Variants in SMG6 observed in about 807,000 individuals in gnomAD.
The protein encoded by SMG6 is telomerase-binding protein EST1A.
In SMG6, 66 loss-of-function variants were observed where a neutral mutation model predicts 142.2. The ratio of observed to expected loss-of-function variants is 0.46; its 90% CI spans 0.38 to 0.57. The LOEUF is 0.57. Ranked by LOEUF, SMG6 falls within the 20% of genes least tolerant of loss-of-function variation. SMG6 has a pLI of 0.00. For synonymous variants in SMG6, 779 were observed against 702.4 expected, an observed-to-expected ratio of 1.11 and a Z score of -1.72; for missense variants, 1,793 against 1,832.0, an observed-to-expected ratio of 0.98 and a Z score of 0.39.
chr17:2,269,514 G>T (rs752896988), intron 8 of SMG6, among the ~76,000 whole-genome samples: 1 of 151,322 alleles, frequency 6.6e-6, no homozygotes, highest in South Asian at 2.1e-4. Flanking sequence ...TGTGGTGAAC[G>T]TTCTGTGCTA....
chr17:2,203,973 T>A (rs910474450), intron 10 of SMG6, among the ~76,000 whole-genome samples: 2 of 152,116 alleles, frequency 1.3e-5, no homozygotes, highest in East Asian at 1.9e-4. Context: ...CCTGAACGAT[T>A]TTTTTTAAGA....
At chr17:2,205,946 C>T (rs2072666789) in intron 10 of SMG6, among the ~76,000 whole-genome samples, 1 of 152,058 alleles carries the variant, frequency 6.6e-6, no homozygotes, top group Non-Finnish European at 1.5e-5. Flanking sequence ...GTAGCTGGGA[C>T]TACAGATGTG....
chr17:2,129,084 A>G (rs939509419), intron 13 of SMG6, among the ~76,000 whole-genome samples: 2 of 152,184 alleles, frequency 1.3e-5, no homozygotes, highest in Non-Finnish European at 2.9e-5. Context: ...GGGGTGGCTC[A>G]CACCTGTAAT....
chr17:2,261,562 C>T (rs565441174), intron 8 of SMG6, among the ~76,000 whole-genome samples: 8 of 152,188 alleles, frequency 5.3e-5, no homozygotes, highest in African/African-American at 4.8e-5. Flanking sequence ...CCCATATGTC[C>T]TAATCCCCAC....
At chr17:2,210,238 G>A (rs2072808426) in intron 10 of SMG6, among the ~76,000 whole-genome samples, 1 of 151,722 alleles carries the variant, frequency 6.6e-6, no homozygotes, top group Non-Finnish European at 1.5e-5. Context: ...TGCTTCCTGG[G>A]GGGAACTTGA....
chr17:2,240,324 G>A (rs897465204), intron 9 of SMG6: 4 of 151,980 alleles, frequency 2.6e-5, no homozygotes, highest in African/African-American at 9.7e-5. Flanking sequence ...GCCCTCAGAT[G>A]CTGAGGAACA....
intron 13 of SMG6, chr17:2,122,433 A>C (rs909293337): frequency 5.9e-5 from 9 of 152,236 alleles, no homozygotes; most frequent in Non-Finnish European, 1.3e-4. Context: ...TTAGCTATTA[A>C]GGAAAACACA....
intron 15 of SMG6, among the ~76,000 whole-genome samples, chr17:2,073,241 G>A (rs987719040): frequency 3.3e-5 from 5 of 151,826 alleles, no homozygotes; most frequent in Non-Finnish European, 5.9e-5. Flanking sequence ...GAGCCAACAC[G>A]CCCGGCTAAT....
chr17:2,154,360 C>T (rs960457882), intron 13 of SMG6, among the ~76,000 whole-genome samples: 4 of 152,070 alleles, frequency 2.6e-5, no homozygotes, highest in Non-Finnish European at 5.9e-5. Context: ...TCTGGGGATG[C>T]ATCTAGAGTG....
chr17:2,174,606 C>A (rs1194059726), intron 12 of SMG6, among the ~76,000 whole-genome samples: 2 of 152,164 alleles, frequency 1.3e-5, no homozygotes, highest in African/African-American at 4.8e-5. Flanking sequence ...ACGTGTACTG[C>A]AGAAGTAACT....
chr17:2,198,062 C>T (rs2072386866), intron 10 of SMG6, among the ~76,000 whole-genome samples: 1 of 152,088 alleles, frequency 6.6e-6, no homozygotes, highest in South Asian at 2.1e-4. Flanking sequence ...CATAATGGCC[C>T]CAAACTAGAA....
At chr17:2,144,049 C>CGGT in intron 13 of SMG6, among the ~76,000 whole-genome samples, 1 of 65,100 alleles carries the variant, frequency 1.5e-5, no homozygotes, top group East Asian at 5.5e-4. Context: ...ACCACGGCCG[C>CGGT]TTTTTTTTTT....
At chr17:2,276,420 C>T (rs533952522) in intron 8 of SMG6, among the ~76,000 whole-genome samples, 5 of 152,012 alleles carry the variant, frequency 3.3e-5, no homozygotes, top group East Asian at 1.9e-4. Context: ...GAGTTTTGCT[C>T]GTTGCCCAGG....
chr17:2,116,168 C>T (rs1052636907), intron 13 of SMG6, among the ~76,000 whole-genome samples: 3 of 152,030 alleles, frequency 2.0e-5, no homozygotes, highest in African/African-American at 4.8e-5. Context: ...CTGCCTCGGC[C>T]CAAGCAGTCT....
rs1490317954 is a variant in SMG6, at chr17:2,230,333, AAAAG to A, written c.2869+6155_2869+6158del. Among the ~76,000 whole-genome samples, 73 of 29,056 alleles carry A rather than the reference AAAAG, an allele frequency of 2.5e-3. 8 individuals are homozygous for A. The highest frequency in any genetic ancestry group is 7.3e-3 in the African/African-American group (66 of 9,004). The allele number at this position is 29,056 out of a possible 152,430, so 19.1% of individuals were successfully genotyped here. A position where few individuals can be genotyped will look rare whatever the true frequency, so the allele number is the denominator to read the frequency against. On this transcript the variant is annotated intron_variant, in intron 10 of 18. Transcript: ENST00000263073. ...AAAAAAAAAAAAAAAAAAAAAAAAA[AAAAG>A]GGAAAACCACAAACAATCAAATTGA...
chr17:2,079,598 C>A (rs1173406864), intron 15 of SMG6, among the ~76,000 whole-genome samples: 1 of 149,236 alleles, frequency 6.7e-6, no homozygotes, highest in Non-Finnish European at 1.5e-5. Context: ...ATCACGACAG[C>A]GAGACTCCAT....
chr17:2,218,633 C>T (rs1051345315), intron 10 of SMG6, among the ~76,000 whole-genome samples: 2 of 152,204 alleles, frequency 1.3e-5, no homozygotes, highest in African/African-American at 4.8e-5. Context: ...ATACCCATGC[C>T]AACCTTCCAA....
At chr17:2,139,144 A>T (rs1284214782) in intron 13 of SMG6, among the ~76,000 whole-genome samples, 2 of 152,210 alleles carry the variant, frequency 1.3e-5, no homozygotes, top group African/African-American at 4.8e-5. Context: ...TTAAACCCTA[A>T]AAAAGGGAGA....
intron 2 of SMG6, 129 bp from the exon 3 acceptor site, chr17:2,298,184 C>T (rs1289488843): frequency 5.5e-6 from 4 of 732,366 alleles, no homozygotes; most frequent in Non-Finnish European, 8.6e-6. Context: ...GGTAGGTATA[C>T]TACTCACTCT....
Sources: gnomAD v4.1 joint callset for allele counts (sites outside exome capture counted in the v4.1 genomes callset) on GRCh38, gnomAD v4.1.1 for gene constraint, MANE v1.5 for transcripts, NCBI Gene and HGNC (gene_info 2026-07-23, HGNC 2026-07-21) for gene names.